TRIM33: variants seen among roughly 807,000 people sequenced by gnomAD.
TRIM33 encodes E3 ubiquitin-protein ligase TRIM33.
In TRIM33, 20 loss-of-function variants were observed where a neutral mutation model predicts 125.4. The observed-to-expected ratio is 0.16, with a 90% CI of 0.11 to 0.23. The LOEUF is 0.23. TRIM33 is among the 10% of genes least tolerant of loss of function. The pLI, the probability that TRIM33 is intolerant of heterozygous loss-of-function variation, is 1.00. For synonymous variants in TRIM33, 564 were observed against 513.9 expected, an observed-to-expected ratio of 1.10 and a Z score of -1.32; for missense variants, 920 against 1,411.4, an observed-to-expected ratio of 0.65 and a Z score of 5.58.
intron 1 of TRIM33, chr1:114,469,415 T>G (rs2101420448): frequency 6.6e-6 from 1 of 152,428 alleles, no homozygotes; most frequent in East Asian, 1.9e-4. Context: ...GAGTGGTCAG[T>G]TGGTCTGAAA....
At chr1:114,497,461 G>C (rs1264946738) in intron 1 of TRIM33, among the ~76,000 whole-genome samples, 2 of 151,826 alleles carry the variant, frequency 1.3e-5, no homozygotes, top group Admixed American at 6.6e-5. Context: ...CACACCCAGC[G>C]AATTTTTTTT....
chr1:114,397,006 T>C lies in TRIM33; in HGVS notation c.*642A>G, dbSNP rs1287813263. On this transcript the variant is annotated 3_prime_UTR_variant, in exon 20 of 20. Transcript: ENST00000358465. Reference sequence around the variant, plus strand: ...CCATTGAAGTTGATTAAATGATAACTAGTGGTAGTGTTTCCTAAACCCTAA... The same window carrying C: ...CCATTGAAGTTGATTAAATGATAACCAGTGGTAGTGTTTCCTAAACCCTAA... 4.6e-6 allele frequency: 1 copy of C among 217,990 alleles called. No individual in the cohort carries two copies. The highest frequency in any genetic ancestry group is 9.2e-6 in the Non-Finnish European group (1 of 108,474). The allele number at this position is 217,990 out of a possible 1,614,324, so 13.5% of individuals were successfully genotyped here.
intron 11 of TRIM33, chr1:114,420,270 T>C: frequency 2.0e-6 from 1 of 506,498 alleles, no homozygotes. Context: ...CATTTCCCCC[T>C]CTCAGTATAA....
At chr1:114,402,942 G>A in intron 15 of TRIM33, 59 bp from the exon 16 acceptor site, 2 of 1,507,688 alleles carry the variant, frequency 1.3e-6, no homozygotes, top group Non-Finnish European at 1.8e-6. Flanking sequence ...CTCTAGAGAA[G>A]CTACTTCCCT....
chr1:114,394,024 C>T lies in TRIM33; in HGVS notation c.*3624G>A. 4.4e-6 allele frequency: 1 copy of T among 226,428 alleles called. No homozygotes were observed. Among genetic ancestry groups the T allele is most frequent in the Non-Finnish European group, 8.8e-6 (1 of 113,610 alleles). The allele number at this position is 226,428 out of a possible 1,614,324, so 14.0% of individuals were successfully genotyped here. A position where few individuals can be genotyped will look rare whatever the true frequency, so the allele number is the denominator to read the frequency against. On this transcript the variant is annotated 3_prime_UTR_variant, in exon 20 of 20. Transcript: ENST00000358465. ...TGTGAGGGAAAAAAAATTAAATATC[C>T]AGGTCCGGTACATGATCAAACTGTA...
At chr1:114,481,101 A>T (rs113261035) in intron 1 of TRIM33, among the ~76,000 whole-genome samples, 4,474 of 151,980 alleles carry the variant, frequency 0.029, 156 homozygotes, top group African/African-American at 0.082. Context: ...GAACCCCAGG[A>T]GACGGAGGTT....
At chr1:114,399,715 C>T (rs547565192) in intron 17 of TRIM33, 106 bp from the exon 18 acceptor site, 47 of 994,650 alleles carry the variant, frequency 4.7e-5, no homozygotes, top group Non-Finnish European at 6.9e-5. Context: ...TATTATAGAG[C>T]CAGCTGCTTG....
At position 114,397,608 on chromosome 1, in the gene TRIM33, T is replaced by TTG. The variant is rs747740812; in HGVS notation, c.*39_*40insCA. ...TTTTGTGTTTTTTTTTTTTTTTTCGTTTTTTTTTTTTTAAACAATTGATTT... is the reference window on the plus strand; with the variant it reads ...TTTTGTGTTTTTTTTTTTTTTTTCGTTGTTTTTTTTTTTTAAACAATTGATTT... On this transcript the variant is annotated 3_prime_UTR_variant, in exon 20 of 20. Coordinates refer to ENST00000358465, the MANE Select transcript of TRIM33 (RefSeq NM_015906.4). The TTG allele has an allele frequency of 8.4e-6, 6 of 711,404 alleles. No homozygotes were observed. The highest frequency in any genetic ancestry group is 3.1e-5 in the Admixed American group (1 of 32,408). 44.1% of individuals were successfully genotyped at this position (711,404 alleles called of 1,614,324 possible).
rs1557835154 is a variant in TRIM33, at chr1:114,393,773, C to T, written c.*3875G>A. ...TACCTTCAATTTTTTTACTCAAACACTTACTTTTAAAAAAATATGCAACTT... is the reference window on the plus strand; with the variant it reads ...TACCTTCAATTTTTTTACTCAAACATTTACTTTTAAAAAAATATGCAACTT... On this transcript the variant is annotated 3_prime_UTR_variant, in exon 20 of 20. Transcript: ENST00000358465. 2 of 207,354 alleles carry T rather than the reference C, an allele frequency of 9.6e-6. No individual in the cohort carries two copies. The highest frequency in any genetic ancestry group is 1.5e-4 in the East Asian group (2 of 13,490). 12.8% of individuals were successfully genotyped at this position (207,354 alleles called of 1,614,324 possible).
At position 114,501,146 on chromosome 1, in the gene TRIM33, C is replaced by T. The variant is rs1323182756; in HGVS notation, c.526+9405G>A. ...CGGAGCTTGCAGTGAGCCGAGATCCCGCCACTGCACTCCAGCCTGGGCGAC... is the reference window on the plus strand; with the variant it reads ...CGGAGCTTGCAGTGAGCCGAGATCCTGCCACTGCACTCCAGCCTGGGCGAC... On this transcript the variant is annotated intron_variant, in intron 1 of 19. Coordinates refer to ENST00000358465, the MANE Select transcript of TRIM33 (RefSeq NM_015906.4). Among the ~76,000 whole-genome samples the T allele has an allele frequency of 1.1e-4, 7 of 63,292 alleles. 1 individual carries two copies. Among genetic ancestry groups the T allele is most frequent in the South Asian group, 4.8e-4 (1 of 2,082 alleles). The allele number at this position is 63,292 out of a possible 152,430, so 41.5% of individuals were successfully genotyped here.
chr1:114,442,889 A>T (rs1048477190), intron 4 of TRIM33, among the ~76,000 whole-genome samples: 3 of 152,058 alleles, frequency 2.0e-5, no homozygotes, highest in African/African-American at 4.8e-5. Flanking sequence ...TTATCTAACT[A>T]GCCTGGAATA....
At chr1:114,408,766 T>G in intron 12 of TRIM33, 26 bp from the exon 13 acceptor site, 1 of 1,422,602 alleles carries the variant, frequency 7.0e-7, no homozygotes. Context: ...TCAAAATGAA[T>G]ATCAATGCAT....
intron 1 of TRIM33, among the ~76,000 whole-genome samples, chr1:114,476,294 A>C (rs1276905198): frequency 6.6e-6 from 1 of 152,050 alleles, no homozygotes; most frequent in South Asian, 2.1e-4. Flanking sequence ...AAAACTTTAC[A>C]AAGTGAAAGT....
At chr1:114,438,494 T>C (rs11102791) in intron 4 of TRIM33, among the ~76,000 whole-genome samples, 3,356 of 152,314 alleles carry the variant, frequency 0.022, 115 homozygotes, top group African/African-American at 0.077. Context: ...CATCATACTT[T>C]ATCTAAACAT....
intron 1 of TRIM33, among the ~76,000 whole-genome samples, chr1:114,485,336 T>C (rs1651614339): frequency 6.6e-6 from 1 of 151,818 alleles, no homozygotes; most frequent in South Asian, 2.1e-4. Flanking sequence ...TCAATATCAG[T>C]AGGGAATAGC....
At chr1:114,509,661 A>C (rs1653217954) in intron 1 of TRIM33, among the ~76,000 whole-genome samples, 1 of 152,118 alleles carries the variant, frequency 6.6e-6, no homozygotes, top group Non-Finnish European at 1.5e-5. Flanking sequence ...CCAGTGAGGT[A>C]CTCATTCTTC....
intron 1 of TRIM33, among the ~76,000 whole-genome samples, chr1:114,480,449 G>T (rs544060397): frequency 7.4e-6 from 1 of 135,802 alleles, no homozygotes; most frequent in Admixed American, 8.2e-5. Context: ...ATCCCCCTCT[G>T]CGAGAAACAC....
intron 1 of TRIM33, among the ~76,000 whole-genome samples, chr1:114,469,538 TC>T (rs1157273577): frequency 2.6e-5 from 4 of 152,188 alleles, no homozygotes; most frequent in African/African-American, 9.6e-5. Context: ...TTCACTGGCA[TC>T]TGTAAGATAA....
At chr1:114,421,399 TA>T in intron 11 of TRIM33, 36 bp downstream of exon 11, 1 of 1,557,760 alleles carries the variant, frequency 6.4e-7, no homozygotes. Flanking sequence ...TAATTAACAT[TA>T]AGTTTAATGA....
Sources: gnomAD v4.1 joint callset for allele counts (sites outside exome capture counted in the v4.1 genomes callset) on GRCh38, gnomAD v4.1.1 for gene constraint, MANE v1.5 for transcripts, NCBI Gene and HGNC (gene_info 2026-07-23, HGNC 2026-07-21) for gene names.